The following RBFOX3 variants were observed in gnomAD, a reference collection of about 807,000 sequenced individuals.
RBFOX3 encodes the protein RNA binding protein fox-1 homolog 3.
In RBFOX3, 17 loss-of-function variants were observed where a neutral mutation model predicts 48.7. The observed-to-expected ratio is 0.35, with a 90% CI of 0.24 to 0.52. The LOEUF is 0.52. Among genes scored for constraint, RBFOX3 ranks in the 20% least tolerant of loss-of-function variants. The pLI, the probability that RBFOX3 is intolerant of heterozygous loss-of-function variation, is 0.94. For synonymous variants in RBFOX3, 212 were observed against 209.5 expected (o/e 1.01, Z -0.10); for missense variants, 382 against 497.5 (o/e 0.77, Z 2.21).
intron 11 of RBFOX3, 108 bp from the exon 12 acceptor site, chr17:79,096,941 C>A: frequency 1.7e-6 from 1 of 605,848 alleles, no homozygotes; most frequent in South Asian, 2.0e-5. Context: ...CCCCCCACCC[C>A]TTTAGTGATG....
intron 4 of RBFOX3, among the ~76,000 whole-genome samples, chr17:79,201,850 G>T (rs1328714637): frequency 6.6e-6 from 1 of 152,162 alleles, no homozygotes; most frequent in African/African-American, 2.4e-5. Context: ...CGAAGAGCCT[G>T]GGGCAGACTT....
chr17:79,316,484 A>G lies in RBFOX3; in HGVS notation c.-174-8660T>C, dbSNP rs552291154. 6.6e-4 allele frequency among the ~76,000 whole-genome samples: 100 copies of G among 152,320 alleles called. 1 individual carries two copies. Among genetic ancestry groups the G allele is most frequent in the African/African-American group, 2.3e-3 (95 of 41,570 alleles). On this transcript the variant is annotated intron_variant, in intron 2 of 14. Transcript: ENST00000693108. Reference sequence around the variant, plus strand: ...TGCTCCCAGCCAGGGACTGTTACTCAGGATGTGGGCAGCTCGTCGCTCTGC... The same window carrying G: ...TGCTCCCAGCCAGGGACTGTTACTCGGGATGTGGGCAGCTCGTCGCTCTGC...
chr17:79,410,517 C>T (rs1218308462), intron 2 of RBFOX3, among the ~76,000 whole-genome samples: 2 of 152,180 alleles, frequency 1.3e-5, no homozygotes, highest in Non-Finnish European at 2.9e-5. Context: ...GCCTTTGAAA[C>T]ACAGAGAGTT....
intron 1 of RBFOX3, among the ~76,000 whole-genome samples, chr17:79,546,669 AT>A (rs34998319): frequency 0.019 from 2,324 of 121,734 alleles, 51 homozygotes; most frequent in African/African-American, 0.056. Context: ...TCCTCATTCT[AT>A]TTTTTTTTTT....
At chr17:79,620,444 T>A in the RBFOX3 span, among the ~76,000 whole-genome samples, 101 of 112,754 alleles carry the variant, frequency 9.0e-4, 1 homozygote, top group African/African-American at 3.1e-3. Context: ...CACATGCACA[T>A]GCACACATGC....
intron 4 of RBFOX3, among the ~76,000 whole-genome samples, chr17:79,228,757 A>G (rs61248786): frequency 0.047 from 7,186 of 152,192 alleles, 486 homozygotes; most frequent in African/African-American, 0.16. Flanking sequence ...ATTCTGGGGC[A>G]TTGCTCTTTA....
chr17:79,397,186 C>T (rs2062096221), intron 2 of RBFOX3, among the ~76,000 whole-genome samples: 1 of 152,168 alleles, frequency 6.6e-6, no homozygotes, highest in Non-Finnish European at 1.5e-5. Flanking sequence ...AGTGACTATC[C>T]TTTTAAGAAG....
intron 2 of RBFOX3, among the ~76,000 whole-genome samples, chr17:79,469,864 G>C (rs957313403): frequency 1.3e-5 from 2 of 152,180 alleles, no homozygotes; most frequent in African/African-American, 4.8e-5. Context: ...GTGCACAGGG[G>C]AGAACGTGCA....
chr17:79,593,118 G>A (rs1214944054), intron 1 of RBFOX3, among the ~76,000 whole-genome samples: 1 of 152,116 alleles, frequency 6.6e-6, no homozygotes, highest in Non-Finnish European at 1.5e-5. Context: ...GGGTGCAGGT[G>A]CAGAAGAAAC....
At chr17:79,502,167 G>A (rs1402852142) in intron 1 of RBFOX3, among the ~76,000 whole-genome samples, 2 of 152,228 alleles carry the variant, frequency 1.3e-5, no homozygotes, top group East Asian at 3.8e-4. Context: ...AGAGTGGAGT[G>A]AGATTAGTTA....
intron 1 of RBFOX3, among the ~76,000 whole-genome samples, chr17:79,585,506 G>A (rs991735929): frequency 9.3e-4 from 141 of 152,186 alleles, no homozygotes; most frequent in African/African-American, 3.2e-3. Context: ...GCAGTGAGCC[G>A]AGTTCACAGC....
At chr17:79,175,781 G>C (rs1431732570) in intron 4 of RBFOX3, among the ~76,000 whole-genome samples, 1 of 152,240 alleles carries the variant, frequency 6.6e-6, no homozygotes, top group African/African-American at 2.4e-5. Flanking sequence ...ATTGGTGGTG[G>C]GCAGCAGGTC....
At chr17:79,550,357 G>A (rs1322086008) in intron 1 of RBFOX3, among the ~76,000 whole-genome samples, 8 of 152,202 alleles carry the variant, frequency 5.3e-5, no homozygotes, top group East Asian at 1.9e-4. Flanking sequence ...GAGAGATTAC[G>A]GTGCAAGGAA....
At chr17:79,137,139 G>A (rs569529902) in intron 4 of RBFOX3, among the ~76,000 whole-genome samples, 1 of 152,214 alleles carries the variant, frequency 6.6e-6, no homozygotes, top group African/African-American at 2.4e-5. Flanking sequence ...CATCCTCACA[G>A]AGACACACAC....
chr17:79,574,237 G>A (rs1386775408), intron 1 of RBFOX3, among the ~76,000 whole-genome samples: 2 of 152,334 alleles, frequency 1.3e-5, no homozygotes, highest in South Asian at 2.1e-4. Context: ...TTGAATAGGG[G>A]CTGGGCAGAA....
At chr17:79,256,105 CCCCAGCCCATTGTAAACCCT>C (rs1264492264) in intron 3 of RBFOX3, among the ~76,000 whole-genome samples, 1 of 151,786 alleles carries the variant, frequency 6.6e-6, no homozygotes, top group African/African-American at 2.4e-5. Context: ...GGTAGGGAAG[CCCCAGCCCATTGTAAACCCT>C]CCCAGCCCCG....
chr17:79,641,590 G>A, the RBFOX3 span, among the ~76,000 whole-genome samples: 1 of 152,140 alleles, frequency 6.6e-6, no homozygotes, highest in African/African-American at 2.4e-5. Context: ...TAAAGAAGAC[G>A]TTACATACAT....
At chr17:79,370,731 G>C (rs1398375721) in intron 2 of RBFOX3, among the ~76,000 whole-genome samples, 1 of 152,032 alleles carries the variant, frequency 6.6e-6, no homozygotes, top group African/African-American at 2.4e-5. Context: ...ACACATACGT[G>C]CTCACTAACA....
At chr17:79,280,123 C>CAT (rs397811656) in intron 3 of RBFOX3, among the ~76,000 whole-genome samples, 14 of 149,910 alleles carry the variant, frequency 9.3e-5, no homozygotes, top group South Asian at 2.1e-4. Context: ...CACACACACA[C>CAT]GCACATACAT....
Sources: gnomAD v4.1 joint callset for allele counts (sites outside exome capture counted in the v4.1 genomes callset) on GRCh38, gnomAD v4.1.1 for gene constraint, MANE v1.5 for transcripts, NCBI Gene and HGNC (gene_info 2026-07-23, HGNC 2026-07-21) for gene names.